The following RPP30 variants were observed in gnomAD, a reference collection of about 807,000 sequenced individuals.
RPP30 encodes the protein ribonuclease P/MRP subunit p30.
A neutral mutation model predicts 38.6 loss-of-function variants in RPP30; 36 were observed. That is an observed-to-expected ratio of 0.93 (90% confidence interval 0.71 to 1.23). RPP30 has a LOEUF of 1.23. RPP30 is among the 50% of genes most tolerant of loss of function. RPP30 has a pLI of 0.00. For missense variants in RPP30, 321 were observed against 321.7 expected, an observed-to-expected ratio of 1.00 and a Z score of 0.02; for synonymous variants, 126 against 112.7, an observed-to-expected ratio of 1.12 and a Z score of -0.75.
At position 90,901,792 on chromosome 10, in the gene RPP30, C is replaced by T. The variant is rs958987508; in HGVS notation, c.*1113C>T. The T allele has an allele frequency of 1.3e-5, 13 of 979,314 alleles. No homozygotes were observed. Among genetic ancestry groups the T allele is most frequent in the Non-Finnish European group, 4.8e-6 (4 of 824,994 alleles). The allele number at this position is 979,314 out of a possible 1,614,324, so 60.7% of individuals were successfully genotyped here. On this transcript the variant is annotated 3_prime_UTR_variant, in exon 11 of 11. Transcript: ENST00000371703. ...GAAATTTTTTTAAGCAAGAGAAAGA[C>T]AACTGTTCTGCGGGTTGGAGAAAAT...
Position 90,881,929 on chromosome 10 carries a change from T to C in RPP30, c.342+2795T>C, listed in dbSNP as rs141148171. On this transcript the variant is annotated intron_variant, in intron 5 of 10. Transcript: ENST00000371703. The stretch of plus-strand genomic sequence containing the variant: ...TAGTATAAAATCGAACCATCTTAAA[T>C]AGCATCATTTCCATGGGACATAATA... 3.8e-3 allele frequency among the ~76,000 whole-genome samples: 574 copies of C among 152,292 alleles called. 8 individuals are homozygous for C. The highest frequency in any genetic ancestry group is 0.013 in the African/African-American group (528 of 41,536).
At chr10:90,882,057 G>A (rs1846936138) in intron 5 of RPP30, among the ~76,000 whole-genome samples, 1 of 152,030 alleles carries the variant, frequency 6.6e-6, no homozygotes, top group African/African-American at 2.4e-5. Flanking sequence ...ATTTTGAGGG[G>A]GTCCATTGGT....
Position 90,874,904 on chromosome 10 carries a change from G to A in RPP30, c.118G>A (p.Asp40Asn), listed in dbSNP as rs762322252. 2 of 1,587,458 alleles carry A rather than the reference G, an allele frequency of 1.3e-6. No homozygotes were observed. Among genetic ancestry groups the A allele is most frequent in the South Asian group, 2.3e-5 (2 of 87,220 alleles). The change falls in exon 2 of 11, where the codon GAC becomes AAC. Residue 40 changes from aspartate (D) to asparagine (N), a missense_variant. Coordinates refer to ENST00000371703, the MANE Select transcript of RPP30 (RefSeq NM_006413.5). ...YSVVAINHIVDFKEKKQEIEK... is the reference protein window; with the variant it reads ...YSVVAINHIVNFKEKKQEIEK... ...AGTTGTTGCTATCAATCATATCGTT[G>A]ACTTTAAGGAAAAGAAACAGGTAAA...
chr10:90,894,914 T>A, intron 7 of RPP30, 23 bp downstream of exon 7: 1 of 1,503,572 alleles, frequency 6.7e-7, no homozygotes, highest in South Asian at 1.1e-5. Context: ...AATTTTAGGA[T>A]GTTTTTCGCA....
intron 6 of RPP30, among the ~76,000 whole-genome samples, chr10:90,888,194 A>C (rs80071530): frequency 1.8e-3 from 274 of 152,282 alleles, no homozygotes; most frequent in Admixed American, 2.9e-3. Flanking sequence ...CTTTTTCTTC[A>C]TCTTAATGAA....
chr10:90,882,911 C>T (rs532193551), intron 5 of RPP30, among the ~76,000 whole-genome samples: 2 of 152,152 alleles, frequency 1.3e-5, no homozygotes, highest in Non-Finnish European at 2.9e-5. Flanking sequence ...AAGGGAGTGT[C>T]CTGGTGTTAC....
chr10:90,892,124 T>C (rs1044321575), intron 6 of RPP30, among the ~76,000 whole-genome samples: 3 of 152,184 alleles, frequency 2.0e-5, no homozygotes, highest in Non-Finnish European at 1.5e-5. Flanking sequence ...CCATTATTTT[T>C]CATTAGTAAA....
intron 1 of RPP30, among the ~76,000 whole-genome samples, chr10:90,872,387 G>C (rs1430905558): frequency 6.6e-6 from 1 of 152,204 alleles, no homozygotes; most frequent in Non-Finnish European, 1.5e-5. Context: ...AATCTTCTAA[G>C]CTTCTAAGTT....
At chr10:90,892,091 T>C (rs1056926071) in intron 6 of RPP30, among the ~76,000 whole-genome samples, 1 of 152,244 alleles carries the variant, frequency 6.6e-6, no homozygotes, top group Admixed American at 6.5e-5. Flanking sequence ...GTCACACACC[T>C]GTCCTTAGTA....
chr10:90,876,818 A>C (rs988698188), intron 4 of RPP30, among the ~76,000 whole-genome samples: 4 of 152,188 alleles, frequency 2.6e-5, no homozygotes, highest in Admixed American at 2.6e-4. Context: ...AGAATGGATT[A>C]GAGGGAGTTA....
chr10:90,894,867 T>C lies in RPP30; in HGVS notation c.525T>C (p.Asn175=). 6.2e-7 allele frequency: 1 copy of C among 1,611,394 alleles called. No individual in the cohort carries two copies. Among genetic ancestry groups the C allele is most frequent in the Non-Finnish European group, 8.5e-7 (1 of 1,177,602 alleles). Residue 175 remains asparagine (N), a synonymous_variant, in exon 7 of 11, where the codon AAT becomes AAC. Coordinates refer to ENST00000371703, the MANE Select transcript of RPP30 (RefSeq NM_006413.5). ...GGTATACAATTTCCAGTGCCCTCAA[T>C]TTGATGCAAATCTGCAAAGGAAAGG... is the stretch of plus-strand genomic sequence containing the variant. ...MRRYTISSAL[N]LMQICKGKNV...
rs1343417761 is a variant in RPP30, at chr10:90,902,135, C to G, written c.*1456C>G. Reference sequence around the variant, plus strand: ...TTTTAAAAAGAGAAAGCTTTATAACCTCACCAATGAATACAAATGTTTAAA... The same window carrying G: ...TTTTAAAAAGAGAAAGCTTTATAACGTCACCAATGAATACAAATGTTTAAA... On this transcript the variant is annotated 3_prime_UTR_variant, in exon 11 of 11. Coordinates refer to ENST00000371703, the MANE Select transcript of RPP30 (RefSeq NM_006413.5). 1.0e-6 allele frequency: 1 copy of G among 991,874 alleles called. No individual in the cohort carries two copies. The highest frequency in any genetic ancestry group is 1.2e-6 in the Non-Finnish European group (1 of 833,144). 61.4% of individuals were successfully genotyped at this position (991,874 alleles called of 1,614,324 possible). A position where few individuals can be genotyped will look rare whatever the true frequency, so the allele number is the denominator to read the frequency against.
chr10:90,896,243 T>G, intron 9 of RPP30, 70 bp from the exon 10 acceptor site: 1 of 1,374,238 alleles, frequency 7.3e-7, no homozygotes, highest in Non-Finnish European at 1.0e-6. Flanking sequence ...AGCTGGCACT[T>G]TCTGTTATGT....
chr10:90,874,999 G>A, intron 2 of RPP30, 75 bp downstream of exon 2: 1 of 922,908 alleles, frequency 1.1e-6, no homozygotes, highest in Non-Finnish European at 1.6e-6. Context: ...TAATTTGGAA[G>A]CTACAGATTA....
At chr10:90,903,077 T>C, downstream of RPP30, 1 of 688,700 alleles carries the variant, frequency 1.5e-6, no homozygotes, top group Admixed American at 2.6e-5. Flanking sequence ...AAAGAGTCAT[T>C]ACAAAGAACT....
At chr10:90,898,622 CTGG>C (rs1174277984) in intron 10 of RPP30, among the ~76,000 whole-genome samples, 1 of 152,096 alleles carries the variant, frequency 6.6e-6, no homozygotes, top group Non-Finnish European at 1.5e-5. Context: ...CTTAAAGGGT[CTGG>C]AAGCCTCATG....
At chr10:90,905,681 G>A (rs2120248163), downstream of RPP30, 1 of 152,136 alleles carries the variant, frequency 6.6e-6, no homozygotes, top group East Asian at 1.9e-4. Flanking sequence ...TAGTCATTTA[G>A]GGGGAAATCA....
chr10:90,887,975 C>T (rs976402873), intron 6 of RPP30, among the ~76,000 whole-genome samples: 1 of 152,140 alleles, frequency 6.6e-6, no homozygotes, highest in Non-Finnish European at 1.5e-5. Flanking sequence ...ATGATAAAAG[C>T]CACAAATTAA....
intron 5 of RPP30, among the ~76,000 whole-genome samples, chr10:90,884,844 C>T (rs529061743): frequency 2.0e-5 from 3 of 152,324 alleles, no homozygotes; most frequent in African/African-American, 4.8e-5. Flanking sequence ...TGTTTGTCAG[C>T]GTAGCCATCC....
Sources: allele counts gnomAD v4.1 joint callset (sites outside exome capture counted in the v4.1 genomes callset), GRCh38; gene constraint gnomAD v4.1.1; transcripts MANE v1.5; gene names NCBI Gene and HGNC (gene_info 2026-07-23, HGNC 2026-07-21).